The following ABCG5 variants were observed in gnomAD, a reference collection of about 807,000 sequenced individuals.
ABCG5 encodes the protein ATP-binding cassette sub-family G member 5.
In ABCG5, 64 loss-of-function variants were observed where a neutral mutation model predicts 64.5. That is an observed-to-expected ratio of 0.99 (90% confidence interval 0.81 to 1.22). The LOEUF is 1.22. Ranked by LOEUF, ABCG5 falls within the 50% of genes most tolerant of loss-of-function variation. The pLI is 0.00. For synonymous variants in ABCG5, 385 were observed against 326.3 expected (o/e 1.18, Z -1.94); for missense variants, 908 against 829.5 (o/e 1.09, Z -1.16).
In ABCG5 at chr2:43,831,755, G is replaced by T; in HGVS notation, c.501+14C>A. 1 of 1,566,286 alleles carries T rather than the reference G, an allele frequency of 6.4e-7. No homozygotes were observed. ...TACTCAGTTTGCCCTCTGTGAGCGGGGGGCTGCACCCACCTTCTTCTGGAA... is the reference window on the plus strand; with the variant it reads ...TACTCAGTTTGCCCTCTGTGAGCGGTGGGCTGCACCCACCTTCTTCTGGAA... On this transcript the variant is annotated intron_variant, in intron 4 of 12. Coordinates refer to ENST00000405322, the MANE Select transcript of ABCG5 (RefSeq NM_022436.3).
the ABCG5 span, among the ~76,000 whole-genome samples, chr2:43,807,324 G>A: frequency 3.9e-5 from 6 of 152,106 alleles, no homozygotes; most frequent in African/African-American, 1.4e-4. Context: ...ATGGGCACCA[G>A]AAAATACTTA....
chr2:43,806,230 G>A, the ABCG5 span, among the ~76,000 whole-genome samples: 1 of 152,074 alleles, frequency 6.6e-6, no homozygotes, highest in Admixed American at 6.6e-5. Context: ...AGTTTTATTT[G>A]ATAAAATGAG....
intron 10 of ABCG5, chr2:43,822,593 T>A (rs1667300544): frequency 5.1e-6 from 5 of 985,344 alleles, no homozygotes; most frequent in African/African-American, 1.7e-5. Context: ...TGTTGGTTTG[T>A]TCTCAGGTCT....
downstream of ABCG5, chr2:43,809,888 A>G: frequency 7.0e-7 from 1 of 1,435,796 alleles, no homozygotes; most frequent in African/African-American, 1.4e-5. Context: ...TTAAAGGACA[A>G]GCTGGATTTC....
intron 11 of ABCG5, among the ~76,000 whole-genome samples, chr2:43,816,999 G>T (rs940514478): frequency 1.3e-5 from 2 of 152,202 alleles, no homozygotes; most frequent in Non-Finnish European, 2.9e-5. Context: ...AATGCCTTAG[G>T]CAGTTCACCC....
At chr2:43,810,601 A>G (rs1666447475), downstream of ABCG5, 1 of 841,260 alleles carries the variant, frequency 1.2e-6, no homozygotes, top group Admixed American at 6.2e-5. Flanking sequence ...ATTGACTCCC[A>G]GCTTCAGATA....
At chr2:43,832,317 GA>G in intron 2 of ABCG5, 1 of 603,300 alleles carries the variant, frequency 1.7e-6, no homozygotes, top group Non-Finnish European at 2.9e-6. Context: ...AGTGAGAGGG[GA>G]CATGCCATTT....
At chr2:43,824,836 G>A (rs1169591849) in intron 7 of ABCG5, 53 bp downstream of exon 7, 1 of 1,606,704 alleles carries the variant, frequency 6.2e-7, no homozygotes, top group African/African-American at 1.3e-5. Flanking sequence ...AGAAGTCTGA[G>A]ATGAGAAAGT....
Position 43,813,153 on chromosome 2 carries a change from A to C in ABCG5, c.1919T>G (p.Val640Gly). The C allele has an allele frequency of 6.9e-7, 1 of 1,457,574 alleles. No homozygotes were observed. Among genetic ancestry groups the C allele is most frequent in the Non-Finnish European group, 9.6e-7 (1 of 1,037,842 alleles). The allele number at this position is 1,457,574 out of a possible 1,614,324, so 90.3% of individuals were successfully genotyped here. A position where few individuals can be genotyped will look rare whatever the true frequency, so the allele number is the denominator to read the frequency against. The change falls in exon 13 of 13, where the codon GTT becomes GGT. Residue 640 changes from valine (V) to glycine (G), a missense_variant. Coordinates refer to ENST00000405322, the MANE Select transcript of ABCG5 (RefSeq NM_022436.3). The part of the protein sequence containing the change: ...FIPALVILGI[V>G]VFKIRDHLIS... ...GAGATGATCCCTTATTTTGAAAACA[A>C]CTATTCCTAGGATGACAAGAGCTGG... is the stretch of plus-strand genomic sequence containing the variant.
In ABCG5 at chr2:43,838,441, C is replaced by T; in HGVS notation, c.143+96G>A. 7.9e-7 allele frequency: 1 copy of T among 1,263,422 alleles called. No homozygotes were observed. Among genetic ancestry groups the T allele is most frequent in the South Asian group, 1.3e-5 (1 of 75,134 alleles). 78.3% of individuals were successfully genotyped at this position (1,263,422 alleles called of 1,614,324 possible). The stretch of plus-strand genomic sequence containing the variant: ...CACTAAAGAGGGAGCCCGAAGTGCC[C>T]AGACTGGCACTTAAAGAGTGAAGAA... On this transcript the variant is annotated intron_variant, in intron 1 of 12. Transcript: ENST00000405322. The surrounding 1 kb of genome is among the most constrained non-coding windows in gnomAD (Gnocchi z 4.2).
At chr2:43,832,971 G>A (rs748683074) in intron 2 of ABCG5, among the ~76,000 whole-genome samples, 2 of 151,926 alleles carry the variant, frequency 1.3e-5, no homozygotes, top group African/African-American at 2.4e-5. Flanking sequence ...CACTACACCC[G>A]GCTAATTTTC....
chr2:43,824,234 A>C lies in ABCG5; in HGVS notation c.1103T>G (p.Leu368Arg), dbSNP rs1168158290. 6.2e-7 allele frequency: 1 copy of C among 1,614,232 alleles called. No individual in the cohort carries two copies. Among genetic ancestry groups the C allele is most frequent in the Admixed American group, 1.7e-5 (1 of 60,020 alleles). ...AGCCTCTTACCTCAGGAGAACACCC[A>C]GTTTAGAGAAAACTCCAGGAGAATC... ...TKDSPGVFSKLGVLLRRVTRN... is the reference protein window; with the variant it reads ...TKDSPGVFSKRGVLLRRVTRN... The change falls in exon 8 of 13, where the codon CTG (leucine) becomes CGG (arginine). Residue 368 changes from leucine to arginine, a missense_variant. Physicochemically the swap from Leu to Arg is moderately radical, Grantham distance 102 (BLOSUM62 -2). Transcript: ENST00000405322.
chr2:43,830,321 A>C (rs1194686973), intron 4 of ABCG5, among the ~76,000 whole-genome samples: 1 of 152,220 alleles, frequency 6.6e-6, no homozygotes, highest in Non-Finnish European at 1.5e-5. Context: ...TGTATTCTTC[A>C]CATCAAACCC....
intron 10 of ABCG5, among the ~76,000 whole-genome samples, chr2:43,821,028 C>T (rs1222169408): frequency 6.6e-6 from 1 of 152,172 alleles, no homozygotes; most frequent in South Asian, 2.1e-4. Context: ...CTCCAAATTA[C>T]ATTTCCCTGG....
In ABCG5 at chr2:43,827,979, T is replaced by A; in HGVS notation, c.634+4A>T. ...AGCTAGTAACAGTTCTGGGTGCCAC[T>A]TACTAGGATCCTGGAGCAGCTGGGC... On this transcript the variant is annotated splice_donor_region_variant and intron_variant, in intron 5 of 12. Transcript: ENST00000405322. 6.2e-7 allele frequency: 1 copy of A among 1,613,924 alleles called. No homozygotes were observed. The highest frequency in any genetic ancestry group is 8.5e-7 in the Non-Finnish European group (1 of 1,179,994).
chr2:43,811,694 A>C (rs907814362), downstream of ABCG5, among the ~76,000 whole-genome samples: 1 of 151,854 alleles, frequency 6.6e-6, no homozygotes, highest in African/African-American at 2.4e-5. Flanking sequence ...TCCCAGGTTC[A>C]AGCGATTCTC....
At chr2:43,822,442 G>C (rs1667274435) in intron 10 of ABCG5, 1 of 867,998 alleles carries the variant, frequency 1.2e-6, no homozygotes, top group African/African-American at 1.9e-5. Flanking sequence ...TCTGTTTTAA[G>C]GTTTTACATT....
intron 2 of ABCG5, among the ~76,000 whole-genome samples, chr2:43,836,538 G>A (rs1407876055): frequency 2.6e-5 from 4 of 152,196 alleles, no homozygotes; most frequent in South Asian, 4.1e-4. Context: ...ACTGTGGTGT[G>A]CCACACAGAA....
chr2:43,838,545 G>A lies in ABCG5; in HGVS notation c.135C>T (p.Tyr45=), dbSNP rs763278758. Residue 45 remains tyrosine, a synonymous_variant, in exon 1 of 13, where the codon TAC becomes TAT. Coordinates refer to ENST00000405322, the MANE Select transcript of ABCG5 (RefSeq NM_022436.3). The surrounding 1 kb of genome is among the most constrained non-coding windows in gnomAD (Gnocchi z 4.2). ...PHSLGILHAS[Y]SVSHRVRPWW... The stretch of plus-strand genomic sequence containing the variant: ...CAAGGGCTCTGCCTTACCTGACGCT[G>A]TAGGAGGCATGGAGGATGCCCAGGC... 4 of 1,604,382 alleles carry A rather than the reference G, an allele frequency of 2.5e-6. No individual in the cohort carries two copies. The highest frequency in any genetic ancestry group is 1.7e-5 in the Admixed American group (1 of 58,758).
Sources: allele counts gnomAD v4.1 joint callset (sites outside exome capture counted in the v4.1 genomes callset), GRCh38; gene constraint gnomAD v4.1.1; non-coding constraint Gnocchi (gnomAD v3.1); transcripts MANE v1.5; gene names NCBI Gene and HGNC (gene_info 2026-07-23, HGNC 2026-07-21).